Variants in BAIAP2L1 observed in about 807,000 individuals in gnomAD.
The protein encoded by BAIAP2L1 is BAR/IMD domain-containing adapter protein 2-like 1.
BAIAP2L1 carries 35 observed loss-of-function variants against 66.3 expected under a neutral mutation model. The observed-to-expected ratio is 0.53, with a 90% CI of 0.40 to 0.70. The LOEUF is 0.70. Ranked by LOEUF, BAIAP2L1 falls within the 30% of genes least tolerant of loss-of-function variation. The pLI is 0.00. For synonymous variants in BAIAP2L1, 269 were observed against 248.7 expected, an observed-to-expected ratio of 1.08 and a Z score of -0.77; for missense variants, 622 against 656.9, an observed-to-expected ratio of 0.95 and a Z score of 0.58.
At chr7:98,294,137 G>A (rs746459981) in intron 12 of BAIAP2L1, 26 bp from the exon 13 acceptor site, 8 of 1,612,064 alleles carry the variant, frequency 5.0e-6, no homozygotes, top group Non-Finnish European at 6.8e-6. Context: ...AGAAGTTTAT[G>A]GAGGGCTTAG....
chr7:98,340,798 T>C (rs2115631225), intron 3 of BAIAP2L1, among the ~76,000 whole-genome samples: 1 of 150,852 alleles, frequency 6.6e-6, no homozygotes, highest in East Asian at 1.9e-4. Context: ...TACAGGTTTT[T>C]TTTTTTTTTT....
chr7:98,301,965 G>A (rs1800448305), intron 12 of BAIAP2L1, among the ~76,000 whole-genome samples: 1 of 152,126 alleles, frequency 6.6e-6, no homozygotes, highest in Non-Finnish European at 1.5e-5. Context: ...CAGGGCCCTC[G>A]GGGACAGTGG....
chr7:98,362,932 G>A (rs549007089), intron 1 of BAIAP2L1, among the ~76,000 whole-genome samples: 25 of 152,274 alleles, frequency 1.6e-4, no homozygotes, highest in African/African-American at 4.3e-4. Context: ...GGGTGTGGGC[G>A]GGGAGGGACG....
At chr7:98,393,073 A>ATATATATACGTGTACATATATATG (rs1403231732) in intron 1 of BAIAP2L1, among the ~76,000 whole-genome samples, 21 of 110,560 alleles carry the variant, frequency 1.9e-4, no homozygotes, top group African/African-American at 8.2e-4. Context: ...ACATATATGT[A>ATATATATACGTGTACATATATATG]TACACACACA....
intron 1 of BAIAP2L1, among the ~76,000 whole-genome samples, chr7:98,372,569 G>A (rs1802534803): frequency 1.3e-5 from 2 of 152,094 alleles, no homozygotes; most frequent in African/African-American, 2.4e-5. Context: ...GGCTTGTAAC[G>A]TATGTATCCT....
At chr7:98,339,473 G>A (rs980308212) in intron 3 of BAIAP2L1, among the ~76,000 whole-genome samples, 11 of 152,186 alleles carry the variant, frequency 7.2e-5, no homozygotes, top group Admixed American at 6.5e-4. Flanking sequence ...TTACTCCCAA[G>A]TTGCTAAAGA....
chr7:98,371,617 C>T (rs3801255), intron 1 of BAIAP2L1, among the ~76,000 whole-genome samples: 57,778 of 151,906 alleles, frequency 0.38, 12,477 homozygotes, highest in Middle Eastern at 0.54. Flanking sequence ...AATCTTATGA[C>T]GGTTTTAACT....
chr7:98,309,195 G>A (rs1240082593), intron 9 of BAIAP2L1: 2 of 152,254 alleles, frequency 1.3e-5, no homozygotes, highest in Non-Finnish European at 2.9e-5. Context: ...CTGTCGCCCA[G>A]GCTGGAGTGC....
chr7:98,397,041 C>T (rs1456803868), intron 1 of BAIAP2L1, among the ~76,000 whole-genome samples: 1 of 152,110 alleles, frequency 6.6e-6, no homozygotes, highest in African/African-American at 2.4e-5. Context: ...CCTTGTAGAG[C>T]TCACATTCTA....
chr7:98,331,289 G>C (rs753976324), intron 3 of BAIAP2L1, among the ~76,000 whole-genome samples: 1 of 152,074 alleles, frequency 6.6e-6, no homozygotes, highest in Non-Finnish European at 1.5e-5. Context: ...AGGAGAAAAA[G>C]AGAGAAGGGA....
At chr7:98,394,599 G>A (rs992110238) in intron 1 of BAIAP2L1, among the ~76,000 whole-genome samples, 7 of 152,198 alleles carry the variant, frequency 4.6e-5, no homozygotes, top group African/African-American at 1.7e-4. Flanking sequence ...TGGCAAGGAT[G>A]AAGAGCAACT....
At chr7:98,399,638 G>A (rs771297111) in intron 1 of BAIAP2L1, among the ~76,000 whole-genome samples, 33 of 152,150 alleles carry the variant, frequency 2.2e-4, no homozygotes, top group African/African-American at 4.3e-4. Flanking sequence ...CGCCTAGGCT[G>A]AATTAAAACA....
chr7:98,358,723 T>C (rs964028323), intron 2 of BAIAP2L1, among the ~76,000 whole-genome samples: 18 of 152,144 alleles, frequency 1.2e-4, no homozygotes, highest in African/African-American at 3.6e-4. Context: ...TTCTACTTGA[T>C]AATTTTTCCT....
Position 98,393,074 on chromosome 7 carries a change from T to C in BAIAP2L1, c.51+7728A>G, listed in dbSNP as rs977973089. On this transcript the variant is annotated intron_variant, in intron 1 of 13. Coordinates refer to ENST00000005260, the MANE Select transcript of BAIAP2L1 (RefSeq NM_018842.5). ...GTACATATATGTACACATATATGTA[T>C]ACACACACATATATACATATATACG... 6.1e-5 allele frequency among the ~76,000 whole-genome samples: 8 copies of C among 132,040 alleles called. No individual in the cohort carries two copies. In the East Asian group the frequency reaches 6.1e-4, roughly 10 times the overall value. The allele number at this position is 132,040 out of a possible 152,430, so 86.6% of individuals were successfully genotyped here.
intron 3 of BAIAP2L1, among the ~76,000 whole-genome samples, chr7:98,337,917 CCAAACAAA>C (rs71112140): frequency 2.5e-4 from 38 of 151,238 alleles, no homozygotes; most frequent in Admixed American, 3.9e-4. Context: ...GACTCCATCT[CCAAACAAA>C]CAAACAAACA....
chr7:98,337,294 C>T (rs1801637258), intron 3 of BAIAP2L1, among the ~76,000 whole-genome samples: 1 of 150,516 alleles, frequency 6.6e-6, no homozygotes, highest in African/African-American at 2.5e-5. Context: ...TGGAATGGTG[C>T]AATCTTGGCT....
chr7:98,331,428 A>G (rs1195590587), intron 3 of BAIAP2L1, among the ~76,000 whole-genome samples: 1 of 151,720 alleles, frequency 6.6e-6, no homozygotes, highest in Non-Finnish European at 1.5e-5. Flanking sequence ...GCACCTTGGT[A>G]TACATATTCA....
chr7:98,326,295 C>T (rs1801380221), intron 3 of BAIAP2L1, among the ~76,000 whole-genome samples: 1 of 152,178 alleles, frequency 6.6e-6, no homozygotes, highest in Non-Finnish European at 1.5e-5. Context: ...AAAACAAAAA[C>T]ACGTACAAAC....
At chr7:98,362,527 T>C (rs1444280342) in intron 1 of BAIAP2L1, 95 bp from the exon 2 acceptor site, 2 of 946,704 alleles carry the variant, frequency 2.1e-6, no homozygotes, top group Non-Finnish European at 3.3e-6. Flanking sequence ...TAGCTATGGA[T>C]GCCTAACAGC....
Sources: gnomAD v4.1 joint callset for allele counts (sites outside exome capture counted in the v4.1 genomes callset) on GRCh38, gnomAD v4.1.1 for gene constraint, MANE v1.5 for transcripts, NCBI Gene and HGNC (gene_info 2026-07-23, HGNC 2026-07-21) for gene names.